The following GABRA2 variants were observed in gnomAD, a reference collection of about 807,000 sequenced individuals.
GABRA2 encodes the protein gamma-aminobutyric acid receptor subunit alpha-2.
A neutral mutation model predicts 48.7 loss-of-function variants in GABRA2; 16 were observed. The ratio of observed to expected loss-of-function variants is 0.33; its 90% CI spans 0.22 to 0.50. The LOEUF (loss-of-function observed/expected upper bound fraction) is 0.50, where lower values mean the gene tolerates loss of function less well. GABRA2 is among the 20% of genes least tolerant of loss of function. GABRA2 has a pLI of 0.98. For synonymous variants in GABRA2, 185 were observed against 184.5 expected, an observed-to-expected ratio of 1.00 and a Z score of -0.02; for missense variants, 275 against 535.6, an observed-to-expected ratio of 0.51 and a Z score of 4.80.
chr4:46,286,496 CTCTG>C (rs1272086166), intron 8 of GABRA2, among the ~76,000 whole-genome samples: 1 of 152,008 alleles, frequency 6.6e-6, no homozygotes, highest in Non-Finnish European at 1.5e-5. Context: ...TACGGTAATT[CTCTG>C]TCTAACTTTG....
chr4:46,310,770 T>C (rs985069220), intron 5 of GABRA2, among the ~76,000 whole-genome samples: 1 of 152,194 alleles, frequency 6.6e-6, no homozygotes, highest in Non-Finnish European at 1.5e-5. Context: ...TAAATACATA[T>C]ACAGATGTAT....
chr4:46,314,551 T>C (rs1341866779), intron 4 of GABRA2, among the ~76,000 whole-genome samples: 1 of 152,088 alleles, frequency 6.6e-6, no homozygotes, highest in Non-Finnish European at 1.5e-5. Flanking sequence ...TACATGAGCA[T>C]ATTGTGTCAT....
intron 4 of GABRA2, among the ~76,000 whole-genome samples, chr4:46,314,116 A>C (rs1283814830): frequency 6.6e-6 from 1 of 152,088 alleles, no homozygotes; most frequent in East Asian, 1.9e-4. Context: ...TTTAATGCTT[A>C]ACTCTAAACA....
intron 4 of GABRA2, among the ~76,000 whole-genome samples, chr4:46,332,264 T>C (rs1172705429): frequency 1.3e-5 from 2 of 152,182 alleles, no homozygotes; most frequent in African/African-American, 4.8e-5. Flanking sequence ...AAGAAGTCTT[T>C]ATCTGTGAAA....
chr4:46,281,060 T>C (rs1276728331), intron 8 of GABRA2, among the ~76,000 whole-genome samples: 1 of 152,174 alleles, frequency 6.6e-6, no homozygotes, highest in African/African-American at 2.4e-5. Context: ...TATTTTTTAA[T>C]AGCAGTCTGA....
At chr4:46,323,547 C>A (rs1729817290) in intron 4 of GABRA2, among the ~76,000 whole-genome samples, 1 of 151,790 alleles carries the variant, frequency 6.6e-6, no homozygotes, top group African/African-American at 2.4e-5. Flanking sequence ...CCTCTAATAC[C>A]CTGTGAGCAA....
At chr4:46,295,693 G>C (rs1724504667) in intron 8 of GABRA2, among the ~76,000 whole-genome samples, 1 of 152,190 alleles carries the variant, frequency 6.6e-6, no homozygotes, top group Admixed American at 6.5e-5. Context: ...GCAGAGACTA[G>C]CTCTGAGCCC....
rs1383379554 is a variant in GABRA2, at chr4:46,271,946, A to AC, written c.857-9819dup. ...TGTTTACTCTACCTGGAGTCTTTTC[A>AC]CTGTCCCTTGTTTACCTGTTTTTTA... On this transcript the variant is annotated intron_variant, in intron 8 of 9. Transcript: ENST00000381620. Among the ~76,000 whole-genome samples, 88 of 151,940 alleles carry AC rather than the reference A, an allele frequency of 5.8e-4. No individual in the cohort carries two copies. In the East Asian group the frequency reaches 0.016, roughly 28 times the overall value.
In GABRA2 at chr4:46,249,921, T is replaced by C. The variant is rs1714393247; in HGVS notation, c.*387A>G. ...GATTCATCTAGGAATGACAATGTTATCTTCCATCATAATTAAGCAACAGTA... is the reference window on the plus strand; with the variant it reads ...GATTCATCTAGGAATGACAATGTTACCTTCCATCATAATTAAGCAACAGTA... On this transcript the variant is annotated 3_prime_UTR_variant, in exon 10 of 10. Transcript: ENST00000381620. 1 of 167,166 alleles carries C rather than the reference T, an allele frequency of 6.0e-6. No individual in the cohort carries two copies. Among genetic ancestry groups the C allele is most frequent in the African/African-American group, 2.4e-5 (1 of 41,678 alleles). 10.4% of individuals were successfully genotyped at this position (167,166 alleles called of 1,614,324 possible).
intron 3 of GABRA2, among the ~76,000 whole-genome samples, chr4:46,371,987 T>C (rs1201833198): frequency 6.6e-6 from 1 of 152,176 alleles, no homozygotes; most frequent in Non-Finnish European, 1.5e-5. Context: ...AGCACTGGCA[T>C]CACCCAGGAG....
At chr4:46,376,854 T>C (rs1377560705) in intron 3 of GABRA2, among the ~76,000 whole-genome samples, 1 of 151,954 alleles carries the variant, frequency 6.6e-6, no homozygotes, top group Non-Finnish European at 1.5e-5. Context: ...CTGATTCTCC[T>C]GCCTCAGCCT....
chr4:46,323,495 C>T (rs1729810789), intron 4 of GABRA2, among the ~76,000 whole-genome samples: 1 of 151,802 alleles, frequency 6.6e-6, no homozygotes, highest in South Asian at 2.1e-4. Flanking sequence ...TCATTGAAAG[C>T]ATTATCGTAC....
chr4:46,376,283 A>G (rs1715688362), intron 3 of GABRA2, among the ~76,000 whole-genome samples: 2 of 152,244 alleles, frequency 1.3e-5, no homozygotes, highest in African/African-American at 2.4e-5. Context: ...ATAGATTTCT[A>G]CAAGGTGATT....
chr4:46,288,671 A>G (rs956908261), intron 8 of GABRA2, among the ~76,000 whole-genome samples: 2 of 152,238 alleles, frequency 1.3e-5, no homozygotes, highest in African/African-American at 4.8e-5. Flanking sequence ...GTTCATGATG[A>G]AGATGATAAA....
At chr4:46,319,290 A>G (rs1252308133) in intron 4 of GABRA2, among the ~76,000 whole-genome samples, 1 of 150,492 alleles carries the variant, frequency 6.6e-6, no homozygotes, top group Non-Finnish European at 1.5e-5. Context: ...AAATTGTAGG[A>G]CTGTTCCTGG....
chr4:46,292,004 AG>A (rs1420078610), intron 8 of GABRA2, among the ~76,000 whole-genome samples: 15 of 152,172 alleles, frequency 9.9e-5, no homozygotes, highest in Admixed American at 1.3e-4. Context: ...AATAGTATGG[AG>A]AACACTGATG....
intron 3 of GABRA2, among the ~76,000 whole-genome samples, chr4:46,358,933 T>C (rs1712674413): frequency 6.6e-6 from 1 of 152,206 alleles, no homozygotes; most frequent in African/African-American, 2.4e-5. Flanking sequence ...ATGAATTACC[T>C]TCACAGGTAA....
At position 46,250,026 on chromosome 4, in the gene GABRA2, A is replaced by C; in HGVS notation, c.*282T>G. On this transcript the variant is annotated 3_prime_UTR_variant, in exon 10 of 10. Transcript: ENST00000381620. ...GATCCCCATTTTCATCTCATTTGGA[A>C]GAATAGGAAATTAATCAGGTCACTT... 1 of 300,004 alleles carries C rather than the reference A, an allele frequency of 3.3e-6. No individual in the cohort carries two copies. The highest frequency in any genetic ancestry group is 6.2e-6 in the Non-Finnish European group (1 of 161,264). 18.6% of individuals were successfully genotyped at this position (300,004 alleles called of 1,614,324 possible).
At chr4:46,317,149 T>G (rs1335507926) in intron 4 of GABRA2, among the ~76,000 whole-genome samples, 1 of 151,812 alleles carries the variant, frequency 6.6e-6, no homozygotes, top group Non-Finnish European at 1.5e-5. Context: ...TGTTAGTGAA[T>G]GAATAAAGAG....
Sources: allele counts gnomAD v4.1 joint callset (sites outside exome capture counted in the v4.1 genomes callset), GRCh38; gene constraint gnomAD v4.1.1; transcripts MANE v1.5; gene names NCBI Gene and HGNC (gene_info 2026-07-23, HGNC 2026-07-21).